CHRNA9: variants seen among roughly 807,000 people sequenced by gnomAD.
CHRNA9 encodes the protein cholinergic receptor nicotinic alpha 9 subunit, also known as neuronal acetylcholine receptor subunit alpha-9.
Under a neutral mutation model 36.8 loss-of-function variants are expected in CHRNA9, and 24 were observed. The ratio of observed to expected loss-of-function variants is 0.65; its 90% CI spans 0.47 to 0.92. The LOEUF is 0.92. CHRNA9 is among the 40% of genes least tolerant of loss of function. CHRNA9 has a pLI of 0.00. For missense variants in CHRNA9, 610 were observed against 601.2 expected, an observed-to-expected ratio of 1.01 and a Z score of -0.15; for synonymous variants, 231 against 231.8, an observed-to-expected ratio of 1.00 and a Z score of 0.03.
intron 3 of CHRNA9, among the ~76,000 whole-genome samples, chr4:40,341,287 T>G (rs1021701515): frequency 6.6e-6 from 1 of 151,828 alleles, no homozygotes; most frequent in African/African-American, 2.4e-5. Context: ...TTTTTTTTTG[T>G]TTTTTGGCGG....
At chr4:40,352,806 TAC>T (rs1712839564) in intron 4 of CHRNA9, among the ~76,000 whole-genome samples, 1 of 152,232 alleles carries the variant, frequency 6.6e-6, no homozygotes, top group African/African-American at 2.4e-5. Flanking sequence ...CTAATAGTGA[TAC>T]AGTCTCCTTT....
chr4:40,344,905 G>A (rs963630067), intron 3 of CHRNA9, among the ~76,000 whole-genome samples: 1 of 152,204 alleles, frequency 6.6e-6, no homozygotes, highest in Non-Finnish European at 1.5e-5. Context: ...GACTGGAGAG[G>A]CAGGGAAGGC....
chr4:40,348,661 C>A (rs1712703196), intron 3 of CHRNA9, among the ~76,000 whole-genome samples: 1 of 152,122 alleles, frequency 6.6e-6, no homozygotes, highest in Admixed American at 6.5e-5. Flanking sequence ...AGAAGAGATG[C>A]TTTAAAGGAA....
chr4:40,344,338 C>T (rs1712577883), intron 3 of CHRNA9, among the ~76,000 whole-genome samples: 2 of 152,118 alleles, frequency 1.3e-5, no homozygotes, highest in Admixed American at 6.6e-5. Flanking sequence ...TGAGACCAGC[C>T]TGGCCAACAT....
chr4:40,352,000 C>T (rs1181325377), intron 4 of CHRNA9, among the ~76,000 whole-genome samples: 2 of 152,152 alleles, frequency 1.3e-5, no homozygotes, highest in African/African-American at 4.8e-5. Context: ...AGTTTTCCCT[C>T]TTTTTCTATT....
chr4:40,352,702 T>C (rs968241722), intron 4 of CHRNA9, among the ~76,000 whole-genome samples: 1 of 152,222 alleles, frequency 6.6e-6, no homozygotes, highest in African/African-American at 2.4e-5. Context: ...CTTTTTGTTC[T>C]ATATTTCATA....
At position 40,354,636 on chromosome 4, in the gene CHRNA9, T is replaced by G. The variant is rs948405911; in HGVS notation, c.*116T>G. The G allele has an allele frequency of 7.0e-6, 6 of 863,204 alleles. No individual in the cohort carries two copies. Among genetic ancestry groups the G allele is most frequent in the African/African-American group, 1.7e-5 (1 of 59,408 alleles). The allele number at this position is 863,204 out of a possible 1,614,324, so 53.5% of individuals were successfully genotyped here. On this transcript the variant is annotated 3_prime_UTR_variant, in exon 5 of 5. Transcript: ENST00000310169. ...AATTTAGGGGTTATGTTGTCTGTGC[T>G]TTTTATTTTTAGCTTCAAATGAATG...
rs1295531835 is a variant in CHRNA9, at chr4:40,354,485, G to C, written c.1405G>C (p.Val469Leu). 5 of 1,613,740 alleles carry C rather than the reference G, an allele frequency of 3.1e-6. No individual in the cohort carries two copies. The highest frequency in any genetic ancestry group is 1.6e-4 in the Middle Eastern group (1 of 6,062). The change falls in exon 5 of 5, where the codon GTG (valine) becomes CTG (leucine). Residue 469 changes from valine (V) to leucine (L), a missense_variant. Transcript: ENST00000310169. ...GTGGATTTTTTTCATTATGGTGTTTGTGATGACTATTTTGATCATAGCAAG... is the reference window on the plus strand; with the variant it reads ...GTGGATTTTTTTCATTATGGTGTTTCTGATGACTATTTTGATCATAGCAAG... The part of the protein sequence containing the change: ...FMWIFFIMVF[V>L]MTILIIARAD
chr4:40,351,209 G>A (rs1371178599), intron 4 of CHRNA9, among the ~76,000 whole-genome samples: 1 of 151,346 alleles, frequency 6.6e-6, no homozygotes, highest in Non-Finnish European at 1.5e-5. Context: ...GTGCGTGCCT[G>A]TAATCCCAGC....
intron 3 of CHRNA9, among the ~76,000 whole-genome samples, 183 bp from the exon 4 acceptor site, chr4:40,348,699 G>A (rs534828682): frequency 1.7e-4 from 26 of 152,312 alleles, no homozygotes; most frequent in African/African-American, 6.0e-4. Context: ...GCCCTGACTA[G>A]TTACAGGAGA....
Position 40,349,109 on chromosome 4 carries a change from T to C in CHRNA9, c.593T>C (p.Ile198Thr), listed in dbSNP as rs774400246. Reference protein sequence around the residue: ...ALDSGDLSDFIEDVEWEVHGM... With the variant: ...ALDSGDLSDFTEDVEWEVHGM... ...GACAGCGGAGATCTCTCTGACTTCATTGAAGATGTGGAATGGGAGGTCCAT... is the reference window on the plus strand; with the variant it reads ...GACAGCGGAGATCTCTCTGACTTCACTGAAGATGTGGAATGGGAGGTCCAT... The change falls in exon 4 of 5, where the codon ATT becomes ACT. Residue 198 changes from isoleucine (I) to threonine (T), a missense_variant. Coordinates refer to ENST00000310169, the MANE Select transcript of CHRNA9 (RefSeq NM_017581.4). 1.1e-5 allele frequency: 18 copies of C among 1,614,016 alleles called. No individual in the cohort carries two copies. The highest frequency in any genetic ancestry group is 6.7e-5 in the East Asian group (3 of 44,894).
chr4:40,337,578 C>G (rs1050268364), intron 3 of CHRNA9, among the ~76,000 whole-genome samples: 2 of 152,152 alleles, frequency 1.3e-5, no homozygotes, highest in Non-Finnish European at 2.9e-5. Flanking sequence ...ATCTACATGC[C>G]CCTTTTTCAG....
At position 40,339,402 on chromosome 4, in the gene CHRNA9, G is replaced by T. The variant is rs192912648; in HGVS notation, c.365+2038G>T. Among the ~76,000 whole-genome samples the T allele has an allele frequency of 9.9e-3, 1,499 of 151,110 alleles. 35 individuals are homozygous for T. Among genetic ancestry groups the T allele is most frequent in the African/African-American group, 0.035 (1,426 of 41,100 alleles). ...TTTAATTTTAAGACAGGGTCTGGGG[G>T]CCAGGCATGGTGGCTCACGCCTGTA... is the stretch of plus-strand genomic sequence containing the variant. On this transcript the variant is annotated intron_variant, in intron 3 of 4. Transcript: ENST00000310169.
At chr4:40,346,994 G>A (rs545597778) in intron 3 of CHRNA9, among the ~76,000 whole-genome samples, 1 of 152,040 alleles carries the variant, frequency 6.6e-6, no homozygotes, top group Admixed American at 6.5e-5. Flanking sequence ...TATTTTTTTA[G>A]TAGAGATGGG....
intron 4 of CHRNA9, among the ~76,000 whole-genome samples, chr4:40,353,622 A>G (rs1342122816): frequency 6.6e-6 from 1 of 152,230 alleles, no homozygotes; most frequent in Non-Finnish European, 1.5e-5. Flanking sequence ...CAGACCGTGT[A>G]TACAACAATG....
intron 3 of CHRNA9, among the ~76,000 whole-genome samples, chr4:40,340,893 G>T (rs936740524): frequency 2.9e-5 from 4 of 139,248 alleles, no homozygotes; most frequent in Non-Finnish European, 6.1e-5. Flanking sequence ...AGAAAGTAAG[G>T]TAGAAAAAAG....
chr4:40,349,434 A>T lies in CHRNA9; in HGVS notation c.898+20A>T. ...TGATAGGTGAGTCCAAGTGTCTTCC[A>T]CTTCAAGCCCAGCTTTGTAGTGCCT... On this transcript the variant is annotated intron_variant, in intron 4 of 4. Coordinates refer to ENST00000310169, the MANE Select transcript of CHRNA9 (RefSeq NM_017581.4). 2 of 1,599,786 alleles carry T rather than the reference A, an allele frequency of 1.3e-6. No homozygotes were observed. The highest frequency in any genetic ancestry group is 1.7e-6 in the Non-Finnish European group (2 of 1,172,162).
At chr4:40,344,569 T>C (rs892557093) in intron 3 of CHRNA9, among the ~76,000 whole-genome samples, 1 of 152,084 alleles carries the variant, frequency 6.6e-6, no homozygotes, top group African/African-American at 2.4e-5. Flanking sequence ...TTTAGGTTTT[T>C]GGTAGTTTGC....
chr4:40,349,085 A>T lies in CHRNA9; in HGVS notation c.569A>T (p.Asp190Val). The change falls in exon 4 of 5, where the codon GAC (aspartate) becomes GTC (valine). Residue 190 changes from aspartate (D) to valine (V), a missense_variant. Coordinates refer to ENST00000310169, the MANE Select transcript of CHRNA9 (RefSeq NM_017581.4). ...CAGGTGGACATATTCAACGCCTTGG[A>T]CAGCGGAGATCTCTCTGACTTCATT... The part of the protein sequence containing the change: ...GNQVDIFNAL[D>V]SGDLSDFIED... The T allele has an allele frequency of 1.9e-6, 3 of 1,614,110 alleles. No individual in the cohort carries two copies. The highest frequency in any genetic ancestry group is 2.5e-6 in the Non-Finnish European group (3 of 1,180,016).
Sources: allele counts gnomAD v4.1 joint callset (sites outside exome capture counted in the v4.1 genomes callset), GRCh38; gene constraint gnomAD v4.1.1; transcripts MANE v1.5; gene names NCBI Gene and HGNC (gene_info 2026-07-23, HGNC 2026-07-21).